The following MUC22 variants were observed in gnomAD, a reference collection of about 807,000 sequenced individuals.
MUC22 encodes mucin 22, also known as mucin-22.
In MUC22, 24 loss-of-function variants were observed where a neutral mutation model predicts 40.3. The observed-to-expected ratio is 0.60, with a 90% CI of 0.43 to 0.84. The LOEUF (loss-of-function observed/expected upper bound fraction) is 0.84. Among genes scored for constraint, MUC22 ranks in the 40% least tolerant of loss-of-function variants. MUC22 has a pLI of 0.00. For synonymous variants in MUC22, 765 were observed against 844.5 expected, an observed-to-expected ratio of 0.91 and a Z score of 1.63; for missense variants, 1,926 against 2,130.7, an observed-to-expected ratio of 0.90 and a Z score of 1.89.
At chr6:31,013,487 CACTT>C (rs1343593754) in intron 1 of MUC22, among the ~76,000 whole-genome samples, 1 of 152,046 alleles carries the variant, frequency 6.6e-6, no homozygotes, top group African/African-American at 2.4e-5. Flanking sequence ...ACCTCCCACT[CACTT>C]GTTTATTTTA....
chr6:31,023,822 G>T (rs1194922196), intron 1 of MUC22, among the ~76,000 whole-genome samples: 1 of 152,032 alleles, frequency 6.6e-6, no homozygotes, highest in Non-Finnish European at 1.5e-5. Context: ...GACAAAATAG[G>T]CTTAAGAAGA....
chr6:31,026,683 G>T lies in MUC22; in HGVS notation c.1252G>T (p.Ala418Ser), dbSNP rs865959019. 4.7e-6 allele frequency: 7 copies of T among 1,501,196 alleles called. No homozygotes were observed. In the Admixed American group the frequency reaches 1.2e-4, roughly 27 times the overall value. The allele number at this position is 1,501,196 out of a possible 1,614,324, so 93.0% of individuals were successfully genotyped here. Reference sequence around the variant, plus strand: ...CTATACTGCAGATTCTGAGACCACTGCAGCCTCTACCACAGGCTCTGAGAT... The same window carrying T: ...CTATACTGCAGATTCTGAGACCACTTCAGCCTCTACCACAGGCTCTGAGAT... Residue 418 changes from alanine (A) to serine (S), a missense_variant, in exon 2 of 4, where the codon GCA becomes TCA. Physicochemically the swap from Ala to Ser is moderately conservative, Grantham distance 99. Coordinates refer to ENST00000561890, the Ensembl canonical transcript of MUC22.
At chr6:31,018,108 G>C (rs9394027) in intron 1 of MUC22, among the ~76,000 whole-genome samples, 18,351 of 152,246 alleles carry the variant, frequency 0.12, 1,328 homozygotes, top group East Asian at 0.33. Context: ...CTTCATTGTT[G>C]AAGTCAGACC....
intron 1 of MUC22, among the ~76,000 whole-genome samples, chr6:31,015,082 T>C (rs1764099497): frequency 6.6e-6 from 1 of 152,180 alleles, no homozygotes; most frequent in Non-Finnish European, 1.5e-5. Context: ...CCTGTGTTCT[T>C]TGAGCTATAT....
chr6:31,021,389 T>A, intron 1 of MUC22, among the ~76,000 whole-genome samples: 1 of 147,984 alleles, frequency 6.8e-6, no homozygotes, highest in African/African-American at 2.5e-5. Flanking sequence ...TAGCTCAAGG[T>A]TTGTAAACAC....
exon 2 of MUC22, chr6:31,025,876 C>T (rs570865221): frequency 4.6e-6 from 7 of 1,534,308 alleles, no homozygotes; most frequent in South Asian, 1.2e-5. Context: ...CACTACAGTC[C>T]CTGAGACTAC....
intron 1 of MUC22, among the ~76,000 whole-genome samples, chr6:31,022,091 G>A (rs1764844601): frequency 6.6e-6 from 1 of 152,006 alleles, no homozygotes; most frequent in African/African-American, 2.4e-5. Flanking sequence ...GCCAGCGAGA[G>A]CACAAACCCA....
intron 1 of MUC22, among the ~76,000 whole-genome samples, chr6:31,012,299 C>T (rs754439774): frequency 1.3e-5 from 2 of 152,206 alleles, no homozygotes; most frequent in African/African-American, 4.8e-5. Flanking sequence ...TTCGCTCCCT[C>T]GCCCGCTTCA....
At position 31,030,442 on chromosome 6, in the gene MUC22, G is replaced by A. The variant is rs540568169; in HGVS notation, c.4669+342G>A. 1.2e-4 allele frequency among the ~76,000 whole-genome samples: 18 copies of A among 151,934 alleles called. No individual in the cohort carries two copies. The South Asian group carries it at 1.5e-3, about 12-fold the overall frequency. ...TGAGGCAGGAGAATGATGTGAATCC[G>A]GGAGGTGGAGCTTGCAGTGAGCAGA... On this transcript the variant is annotated intron_variant, in intron 2 of 3. Coordinates refer to ENST00000561890, the Ensembl canonical transcript of MUC22.
Position 31,026,617 on chromosome 6 carries a change from A to G in MUC22, c.1186A>G (p.Thr396Ala), listed in dbSNP as rs771431224. The G allele has an allele frequency of 7.3e-6, 11 of 1,507,130 alleles. No individual in the cohort carries two copies. In the Admixed American group the frequency reaches 1.8e-4, roughly 25 times the overall value. The allele number at this position is 1,507,130 out of a possible 1,614,324, so 93.4% of individuals were successfully genotyped here. ...CGTCACCTCTACTGCAGGCTCTGAG[A>G]CCACCACAGTCTCCACCGTGGGCTC... Residue 396 changes from threonine (T) to alanine (A), a missense_variant, in exon 2 of 4, where the codon ACC becomes GCC. Physicochemically the swap from Thr to Ala is moderately conservative, Grantham distance 58 (BLOSUM62 0). Transcript: ENST00000561890.
exon 2 of MUC22, chr6:31,029,321 C>A (rs1303607069): frequency 2.0e-6 from 3 of 1,528,786 alleles, no homozygotes; most frequent in Middle Eastern, 1.7e-4. Flanking sequence ...GAGACCACAG[C>A]AGTCTATACC....
chr6:31,022,194 C>T (rs1162386877), intron 1 of MUC22, among the ~76,000 whole-genome samples: 1 of 152,214 alleles, frequency 6.6e-6, no homozygotes, highest in Non-Finnish European at 1.5e-5. Flanking sequence ...CTGTGAGGGT[C>T]TGTGGCTTCA....
chr6:31,029,283 G>T lies in MUC22; in HGVS notation c.3852G>T (p.Glu1284Asp), dbSNP rs756221537. The change falls in exon 2 of 4, where the codon GAG becomes GAT. Residue 1284 changes from glutamate to aspartate, a missense_variant. This residue lies in a region of MUC22 where 610 missense variants were observed against 714.6 expected (regional missense o/e 0.85). Transcript: ENST00000561890. ...CCATCACCTCTACTGAAGGTTCAGAGACCACTACAGTCACTACTGCAGGTT... is the reference window on the plus strand; with the variant it reads ...CCATCACCTCTACTGAAGGTTCAGATACCACTACAGTCACTACTGCAGGTT... 8 of 1,528,582 alleles carry T rather than the reference G, an allele frequency of 5.2e-6. No individual in the cohort carries two copies. In the South Asian group the frequency reaches 9.6e-5, roughly 18 times the overall value. 94.7% of individuals were successfully genotyped at this position (1,528,582 alleles called of 1,614,324 possible).
At chr6:31,021,451 ACT>A (rs1764734270) in intron 1 of MUC22, among the ~76,000 whole-genome samples, 2 of 150,966 alleles carry the variant, frequency 1.3e-5, no homozygotes, top group South Asian at 4.2e-4. Context: ...ACCAATCAAC[ACT>A]CTGTATCTAG....
At chr6:31,014,106 G>A (rs973578183) in intron 1 of MUC22, among the ~76,000 whole-genome samples, 5 of 151,962 alleles carry the variant, frequency 3.3e-5, no homozygotes, top group African/African-American at 1.2e-4. Context: ...ATTGCATTGT[G>A]ATGACATTAT....
chr6:31,019,292 A>G (rs1198600012), intron 1 of MUC22, among the ~76,000 whole-genome samples: 1 of 152,240 alleles, frequency 6.6e-6, no homozygotes, highest in Non-Finnish European at 1.5e-5. Flanking sequence ...TTCTAATTTC[A>G]AAACATAGCT....
intron 1 of MUC22, among the ~76,000 whole-genome samples, chr6:31,022,850 C>T (rs1381240377): frequency 6.6e-6 from 1 of 152,160 alleles, no homozygotes; most frequent in African/African-American, 2.4e-5. Context: ...TGACTCAGGT[C>T]ATGGTGCAGC....
rs1377098924 is a variant in MUC22, at chr6:31,026,246, C to T, written c.815C>T (p.Thr272Ile). 27 of 1,341,938 alleles carry T rather than the reference C, an allele frequency of 2.0e-5. 2 individuals are homozygous for T. The Admixed American group carries it at 5.5e-4, about 27-fold the overall frequency. 83.1% of individuals were successfully genotyped at this position (1,341,938 alleles called of 1,614,324 possible). The change falls in exon 2 of 4, where the codon ACC (threonine) becomes ATC (isoleucine). Residue 272 changes from threonine (T) to isoleucine (I), a missense_variant. By Grantham distance (89) the Thr-to-Ile change is moderately conservative. Transcript: ENST00000561890. ...GGCTCTAACACCACCACAGCCTCTA[C>T]CACAGGCTCTGAGACCACTACAATC...
exon 2 of MUC22, chr6:31,026,231 C>A: frequency 1.3e-6 from 2 of 1,529,736 alleles, no homozygotes; most frequent in Non-Finnish European, 1.8e-6. Context: ...GGCTCTAACA[C>A]CACCACAGCC....
Sources: gnomAD v4.1 joint callset for allele counts (sites outside exome capture counted in the v4.1 genomes callset) on GRCh38, gnomAD v4.1.1 for gene constraint, gnomAD v4.1.1 regional missense constraint, MANE v1.5 for transcripts, NCBI Gene and HGNC (gene_info 2026-07-23, HGNC 2026-07-21) for gene names.